ROBO2: variants seen among roughly 807,000 people sequenced by gnomAD.
The protein encoded by ROBO2 is roundabout guidance receptor 2.
Under a neutral mutation model 160.8 loss-of-function variants are expected in ROBO2, and 53 were observed. That is an observed-to-expected ratio of 0.33 (90% CI 0.26 to 0.41). The LOEUF (loss-of-function observed/expected upper bound fraction) is 0.41, where lower values mean the gene tolerates loss of function less well. Ranked by LOEUF, ROBO2 falls within the 10% of genes least tolerant of loss-of-function variation. ROBO2 has a pLI of 1.00. For missense variants in ROBO2, 1,577 were observed against 1,722.4 expected, an observed-to-expected ratio of 0.92 and a Z score of 1.49; for synonymous variants, 664 against 611.7, an observed-to-expected ratio of 1.09 and a Z score of -1.26.
intron 2 of ROBO2, among the ~76,000 whole-genome samples, chr3:75,978,521 G>C (rs755200397): frequency 7.9e-5 from 12 of 151,414 alleles, no homozygotes; most frequent in Non-Finnish European, 1.6e-4. Context: ...TTAAAAAATT[G>C]ATTAAATGAA....
At chr3:76,164,716 T>C (rs1201433466) in intron 2 of ROBO2, among the ~76,000 whole-genome samples, 1 of 152,192 alleles carries the variant, frequency 6.6e-6, no homozygotes, top group African/African-American at 2.4e-5. Flanking sequence ...CCAGGCTTTG[T>C]TGATCCATTT....
rs58091252 is a variant in ROBO2, at chr3:76,524,826, TAAAAAAAAAAAAAAAAAAAAAAAAA to T, written c.110-573172_110-573148del. On this transcript the variant is annotated intron_variant, in intron 2 of 26. Coordinates refer to the ROBO2 transcript ENST00000487694. Reference sequence around the variant, plus strand: ...TAAAAACCTATGACCCTCTTATTCCTAAAAAAAAAAAAAAAAAAAAAAAAAAAAAAAAAAAAAAAATAAGTAAAAT... The same window carrying T: ...TAAAAACCTATGACCCTCTTATTCCTAAAAAAAAAAAAAAATAAGTAAAAT... Among the ~76,000 whole-genome samples, 32 of 21,742 alleles carry T rather than the reference TAAAAAAAAAAAAAAAAAAAAAAAAA, an allele frequency of 1.5e-3. No homozygotes were observed. The South Asian group carries it at 0.05, about 34-fold the overall frequency. 14.3% of individuals were successfully genotyped at this position (21,742 alleles called of 152,430 possible).
exon 26 of ROBO2, chr3:77,647,317 C>T (rs971269425): frequency 6.6e-6 from 1 of 151,910 alleles, no homozygotes; most frequent in Non-Finnish European, 1.5e-5. Flanking sequence ...AAAACAGTGC[C>T]GAGAGTATGT....
chr3:76,524,733 G>A (rs1226377582), intron 2 of ROBO2, among the ~76,000 whole-genome samples: 1 of 135,046 alleles, frequency 7.4e-6, no homozygotes, highest in Non-Finnish European at 1.5e-5. Context: ...TTTATTAAAT[G>A]TTGTTTCCCT....
chr3:76,018,392 T>C (rs2066466502), intron 2 of ROBO2, among the ~76,000 whole-genome samples: 1 of 151,976 alleles, frequency 6.6e-6, no homozygotes, highest in Admixed American at 6.6e-5. Context: ...AATTAGCCTT[T>C]GGATTTGTTA....
intron 2 of ROBO2, among the ~76,000 whole-genome samples, chr3:77,395,493 C>T (rs2075184345): frequency 6.6e-6 from 1 of 152,044 alleles, no homozygotes; most frequent in South Asian, 2.1e-4. Flanking sequence ...TCAAGCTTTG[C>T]TTGTATTTTA....
intron 2 of ROBO2, among the ~76,000 whole-genome samples, chr3:77,132,111 T>C (rs2075902339): frequency 6.6e-6 from 1 of 152,116 alleles, no homozygotes; most frequent in Admixed American, 6.6e-5. Flanking sequence ...CTTAAAATTA[T>C]GAGAATTAAA....
rs80190669 is a variant in ROBO2 at position 77,445,800 on chromosome 3, T to G, written c.389-31614T>G. ...AATTAAAAGGTTTTTTTTTGTTTTT[T>G]TTTTTTTTTTTGCTAATTTTAGTAT... On this transcript the variant is annotated intron_variant, in intron 2 of 25. Coordinates refer to ENST00000461745, the Ensembl canonical transcript of ROBO2. Among the ~76,000 whole-genome samples, 534 of 121,256 alleles carry G rather than the reference T, an allele frequency of 4.4e-3. 2 individuals carry two copies. Among genetic ancestry groups the G allele is most frequent in the African/African-American group, 0.013 (500 of 38,804 alleles). The allele number at this position is 121,256 out of a possible 152,430, so 79.5% of individuals were successfully genotyped here. A position where few individuals can be genotyped will look rare whatever the true frequency, so the allele number is the denominator to read the frequency against.
chr3:76,900,517 G>A (rs1335990546), intron 2 of ROBO2, among the ~76,000 whole-genome samples: 2 of 152,112 alleles, frequency 1.3e-5, no homozygotes, highest in Non-Finnish European at 2.9e-5. Flanking sequence ...CTTTTCTCAA[G>A]ACTCTAGAAG....
At chr3:77,389,294 T>C (rs2074460864) in intron 2 of ROBO2, among the ~76,000 whole-genome samples, 1 of 152,146 alleles carries the variant, frequency 6.6e-6, no homozygotes, top group African/African-American at 2.4e-5. Context: ...ATGGTGATGA[T>C]AGAGTGCCCA....
chr3:77,528,250 TGAAA>T (rs1197551929), intron 6 of ROBO2, among the ~76,000 whole-genome samples: 2 of 151,652 alleles, frequency 1.3e-5, no homozygotes, highest in East Asian at 1.9e-4. Context: ...AATGGATGGA[TGAAA>T]GAGTGACCAA....
intron 2 of ROBO2, among the ~76,000 whole-genome samples, chr3:77,356,537 T>C (rs920063714): frequency 8.5e-5 from 13 of 152,218 alleles, no homozygotes; most frequent in African/African-American, 2.9e-4. Context: ...TACCCATCCC[T>C]GGGTTCATGA....
intron 2 of ROBO2, among the ~76,000 whole-genome samples, chr3:76,674,295 T>C (rs1431198083): frequency 1.3e-5 from 2 of 152,064 alleles, no homozygotes; most frequent in Non-Finnish European, 2.9e-5. Flanking sequence ...TTCTTAAAAT[T>C]GCAGAGCAAC....
chr3:77,488,714 T>C (rs1011390837), intron 4 of ROBO2, among the ~76,000 whole-genome samples: 1 of 152,170 alleles, frequency 6.6e-6, no homozygotes, highest in African/African-American at 2.4e-5. Flanking sequence ...TACTTCCTTA[T>C]AATTTTTAAA....
At chr3:76,072,881 G>A (rs139535179) in intron 2 of ROBO2, among the ~76,000 whole-genome samples, 4,236 of 152,230 alleles carry the variant, frequency 0.028, 82 homozygotes, top group Non-Finnish European at 0.044. Context: ...TTGTTTCTCT[G>A]CCTATTCAGA....
chr3:76,630,352 A>G (rs2089955795), intron 2 of ROBO2, among the ~76,000 whole-genome samples: 1 of 145,010 alleles, frequency 6.9e-6, no homozygotes, highest in South Asian at 2.1e-4. Flanking sequence ...GCCACTCAGG[A>G]ACTTGAACTG....
At chr3:76,122,201 T>A (rs1484013021) in intron 2 of ROBO2, among the ~76,000 whole-genome samples, 1 of 151,862 alleles carries the variant, frequency 6.6e-6, no homozygotes, top group Non-Finnish European at 1.5e-5. Flanking sequence ...AAAGAAAAAA[T>A]TTAGAGTCAG....
intron 2 of ROBO2, among the ~76,000 whole-genome samples, chr3:77,336,508 CTCTT>C (rs1461923047): frequency 1.1e-4 from 16 of 151,854 alleles, no homozygotes; most frequent in Admixed American, 9.8e-4. Flanking sequence ...TCTCCTCTTC[CTCTT>C]TCTTTTTTTT....
intron 2 of ROBO2, among the ~76,000 whole-genome samples, chr3:76,081,907 A>T (rs1466634926): frequency 1.3e-5 from 2 of 152,060 alleles, no homozygotes; most frequent in Non-Finnish European, 2.9e-5. Flanking sequence ...AAGAGCAAAT[A>T]CTCAAATGCA....
Sources: gnomAD v4.1 joint callset for allele counts (sites outside exome capture counted in the v4.1 genomes callset) on GRCh38, gnomAD v4.1.1 for gene constraint, MANE v1.5 for transcripts, NCBI Gene and HGNC (gene_info 2026-07-23, HGNC 2026-07-21) for gene names.